BRPF1: variants seen among roughly 807,000 people sequenced by gnomAD.
BRPF1 encodes peregrin.
In BRPF1, 15 loss-of-function variants were observed where a neutral mutation model predicts 115.0. That is an observed-to-expected ratio of 0.13 (90% CI 0.09 to 0.20). BRPF1 has a LOEUF of 0.20. BRPF1 is among the 10% of genes least tolerant of loss of function. The probability of loss-of-function intolerance (pLI) is 1.00; values close to 1 mark genes in which losing one functional copy is unlikely to be tolerated. For synonymous variants in BRPF1, 647 were observed against 619.8 expected, an observed-to-expected ratio of 1.04 and a Z score of -0.65; for missense variants, 1,118 against 1,638.3, an observed-to-expected ratio of 0.68 and a Z score of 5.48.
In BRPF1 at chr3:9,745,879, T is replaced by C. The variant is rs1344352025; in HGVS notation, c.3273T>C (p.Ala1091=). The C allele has an allele frequency of 1.2e-6, 2 of 1,614,034 alleles. No homozygotes were observed. The highest frequency in any genetic ancestry group is 2.2e-5 in the East Asian group (1 of 44,900). Residue 1091 remains alanine (A), a synonymous_variant, in exon 12 of 14, where the codon GCT becomes GCC. Coordinates refer to ENST00000383829, the MANE Select transcript of BRPF1 (RefSeq NM_001003694.2). This position sits in a 1 kb window ranked among gnomAD's most constrained non-coding sequence, Gnocchi z 5.1. ...AGGATGAGGACTCCCCGCTGGATGC[T>C]CTGGACCTCGTGTGGGCCAAATGCC... The part of the protein sequence containing the change: ...LSEDEDSPLD[A]LDLVWAKCRG...
chr3:9,745,606 C>G lies in BRPF1; in HGVS notation c.3102C>G (p.Pro1034=). 6.2e-7 allele frequency: 1 copy of G among 1,614,148 alleles called. No homozygotes were observed. The highest frequency in any genetic ancestry group is 8.5e-7 in the Non-Finnish European group (1 of 1,179,972). ...CCTCAAAACAAGGCCGGGGCAAACC[C>G]TCCTTCTCTCGGGGCACTTTCCCAG... ...TTPSKQGRGK[P]SFSRGTFPED... Residue 1034 remains proline, a synonymous_variant, in exon 11 of 14, where the codon CCC becomes CCG. Coordinates refer to ENST00000383829, the MANE Select transcript of BRPF1 (RefSeq NM_001003694.2). The surrounding 1 kb of genome is among the most constrained non-coding windows in gnomAD (Gnocchi z 5.1).
Position 9,731,756 on chromosome 3 carries a change from CGCCGCT to C in BRPF1, c.-390_-385del, listed in dbSNP as rs2076853812. ...GTTTACCCTGCGCAGACGCCGTCGCCGCCGCTGCTGCCGCCGCCGCTGCCACAGCCT... is the reference window on the plus strand; with the variant it reads ...GTTTACCCTGCGCAGACGCCGTCGCCGCTGCCGCCGCCGCTGCCACAGCCT... On this transcript the variant is annotated 5_prime_UTR_variant, in exon 1 of 14. Coordinates refer to ENST00000383829, the MANE Select transcript of BRPF1 (RefSeq NM_001003694.2). 1 of 157,254 alleles carries C rather than the reference CGCCGCT, an allele frequency of 6.4e-6. No individual in the cohort carries two copies. Among genetic ancestry groups the C allele is most frequent in the African/African-American group, 2.4e-5 (1 of 41,506 alleles). 9.7% of individuals were successfully genotyped at this position (157,254 alleles called of 1,614,324 possible). A position where few individuals can be genotyped will look rare whatever the true frequency, so the allele number is the denominator to read the frequency against.
chr3:9,740,931 A>G lies in BRPF1; in HGVS notation c.1712A>G (p.Asp571Gly), dbSNP rs1441094591. ...CACCTGCAATCTCAGAGGAACTGTG[A>G]CCAAGTTGGGGTACTGTGTCCAGTT... ...QTHLQSQRNC[D>G]QVGRDSEDKN... Residue 571 changes from aspartate to glycine, a missense_variant, in exon 4 of 14, where the codon GAC becomes GGC. By Grantham distance (94) the Asp-to-Gly change is moderately conservative. Coordinates refer to ENST00000383829, the MANE Select transcript of BRPF1 (RefSeq NM_001003694.2). 1 of 1,611,938 alleles carries G rather than the reference A, an allele frequency of 6.2e-7. No individual in the cohort carries two copies. The highest frequency in any genetic ancestry group is 2.2e-5 in the East Asian group (1 of 44,890).
At chr3:9,737,520 C>G (rs964805478) in intron 2 of BRPF1, among the ~76,000 whole-genome samples, 1 of 152,218 alleles carries the variant, frequency 6.6e-6, no homozygotes, top group Non-Finnish European at 1.5e-5. Context: ...CTCTGTTAGA[C>G]AGCACCCAGG....
intron 12 of BRPF1, 72 bp from the exon 13 acceptor site, chr3:9,746,228 C>T: frequency 1.4e-6 from 2 of 1,479,628 alleles, no homozygotes; most frequent in Admixed American, 2.3e-5. Context: ...GACATACTCT[C>T]TAAGTTCTTG....
chr3:9,745,304 AATCAGTG>A lies in BRPF1; in HGVS notation c.3068+150_3068+156del. On this transcript the variant is annotated intron_variant, in intron 10 of 13. Transcript: ENST00000383829. The surrounding 1 kb of genome is among the most constrained non-coding windows in gnomAD (Gnocchi z 5.1). Reference sequence around the variant, plus strand: ...CTCAAGGTTCTCTGCTAAATAAATAAATCAGTGTTACCATTAATAGAACAGAGAGAAC... The same window carrying A: ...CTCAAGGTTCTCTGCTAAATAAATAATTACCATTAATAGAACAGAGAGAAC... 1 of 1,078,112 alleles carries A rather than the reference AATCAGTG, an allele frequency of 9.3e-7. No homozygotes were observed. The highest frequency in any genetic ancestry group is 1.3e-6 in the Non-Finnish European group (1 of 765,406). 66.8% of individuals were successfully genotyped at this position (1,078,112 alleles called of 1,614,324 possible).
In BRPF1 at chr3:9,743,687, G is replaced by C. The variant is rs751418464; in HGVS notation, c.2421G>C (p.Gln807His). 2.3e-4 allele frequency: 378 copies of C among 1,614,110 alleles called. No homozygotes were observed. Among genetic ancestry groups the C allele is most frequent in the Non-Finnish European group, 3.1e-4 (369 of 1,180,054 alleles). The change falls in exon 8 of 14, where the codon CAG (glutamine) becomes CAC (histidine). Residue 807 changes from glutamine (Q) to histidine (H), a missense_variant. By Grantham distance (24) the Gln-to-His change is conservative. Around this residue, in one of 10 missense-constraint regions of BRPF1, gnomAD observed 223 missense variants for 240.7 expected, o/e 0.93. Transcript: ENST00000383829. The surrounding 1 kb of genome is among the most constrained non-coding windows in gnomAD (Gnocchi z 6.1). ...ERLDEVNASK[Q>H]SVGRSRRAKM... is the part of the protein sequence containing the mutation. ...TGGACGAAGTGAATGCCAGCAAGCA[G>C]AGTGTGGGCCGCTCACGGCGTGCAA...
intron 2 of BRPF1, among the ~76,000 whole-genome samples, chr3:9,738,041 A>G (rs1191726025): frequency 1.3e-5 from 2 of 152,172 alleles, no homozygotes; most frequent in East Asian, 1.9e-4. Context: ...CCAAAGCCCC[A>G]TCCCTTCCTT....
chr3:9,735,320 T>C (rs112023507), intron 2 of BRPF1, among the ~76,000 whole-genome samples: 62 of 152,282 alleles, frequency 4.1e-4, no homozygotes, highest in African/African-American at 1.4e-3. Context: ...GCCAGACTTA[T>C]CTGAAATCAC....
chr3:9,734,272 C>A lies in BRPF1; in HGVS notation c.132C>A (p.His44Gln). 6.2e-7 allele frequency: 1 copy of A among 1,614,152 alleles called. No individual in the cohort carries two copies. Among genetic ancestry groups the A allele is most frequent in the Non-Finnish European group, 8.5e-7 (1 of 1,180,032 alleles). Reference sequence around the variant, plus strand: ...GTGGTATTGAGTACCACCTGTACCACTATGACCACGACAACCCACCACCCC... The same window carrying A: ...GTGGTATTGAGTACCACCTGTACCAATATGACCACGACAACCCACCACCCC... ...SYSGIEYHLY[H>Q]YDHDNPPPPQ... The change falls in exon 2 of 14, where the codon CAC becomes CAA. Residue 44 changes from histidine to glutamine, a missense_variant. His to Gln is a conservative substitution (Grantham distance 24). Around this residue, in one of 10 missense-constraint regions of BRPF1, gnomAD observed 280 missense variants for 382.8 expected, o/e 0.73. Coordinates refer to ENST00000383829, the MANE Select transcript of BRPF1 (RefSeq NM_001003694.2). The surrounding 1 kb of genome is among the most constrained non-coding windows in gnomAD (Gnocchi z 5.7).
Position 9,743,275 on chromosome 3 carries a change from C to T in BRPF1, c.2311+22C>T, listed in dbSNP as rs368835719. The T allele has an allele frequency of 6.3e-7, 1 of 1,597,712 alleles. No homozygotes were observed. Among genetic ancestry groups the T allele is most frequent in the Non-Finnish European group, 8.6e-7 (1 of 1,169,530 alleles). On this transcript the variant is annotated intron_variant, in intron 7 of 13. Coordinates refer to ENST00000383829, the MANE Select transcript of BRPF1 (RefSeq NM_001003694.2). This position sits in a 1 kb window ranked among gnomAD's most constrained non-coding sequence, Gnocchi z 6.1. ...GATGGTGGGTGATATATCACACACA[C>T]ATATAAGAGGCCAATGCCGGGGATG...
In BRPF1 at chr3:9,747,627, CAA is replaced by C. The variant is rs765886381; in HGVS notation, c.*280_*281del. The C allele has an allele frequency of 1.5e-3, 525 of 343,670 alleles. 2 individuals carry two copies. The highest frequency in any genetic ancestry group is 1.4e-3 in the Non-Finnish European group (262 of 183,188). The allele number at this position is 343,670 out of a possible 1,614,324, so 21.3% of individuals were successfully genotyped here. A position where few individuals can be genotyped will look rare whatever the true frequency, so the allele number is the denominator to read the frequency against. On this transcript the variant is annotated 3_prime_UTR_variant, in exon 14 of 14. Transcript: ENST00000383829. This position sits in a 1 kb window ranked among gnomAD's most constrained non-coding sequence, Gnocchi z 5.6. ...AGCATTGTAGGGCGGGGTGGTGGGCCAAAGTTAGGACACTGCGTAAAACAGGC... is the reference window on the plus strand; with the variant it reads ...AGCATTGTAGGGCGGGGTGGTGGGCCAGTTAGGACACTGCGTAAAACAGGC...
Position 9,745,250 on chromosome 3 carries a change from C to T in BRPF1, c.3068+95C>T, listed in dbSNP as rs1460954810. ...TCCCTGTTGGAAGTGGGGTGGCAGC[C>T]ATCTCAGTCTAGATTAAGATGGCTC... On this transcript the variant is annotated intron_variant, in intron 10 of 13. Coordinates refer to ENST00000383829, the MANE Select transcript of BRPF1 (RefSeq NM_001003694.2). The surrounding 1 kb of genome is among the most constrained non-coding windows in gnomAD (Gnocchi z 5.1). 1 of 1,435,946 alleles carries T rather than the reference C, an allele frequency of 7.0e-7. No individual in the cohort carries two copies. Among genetic ancestry groups the T allele is most frequent in the Non-Finnish European group, 9.3e-7 (1 of 1,071,476 alleles). The allele number at this position is 1,435,946 out of a possible 1,614,324, so 89.0% of individuals were successfully genotyped here.
intron 4 of BRPF1, 100 bp downstream of exon 4, chr3:9,741,041 T>C (rs1276634897): frequency 7.6e-7 from 1 of 1,313,300 alleles, no homozygotes; most frequent in East Asian, 2.5e-5. Context: ...GCTTAGACTC[T>C]TTCCTCCTTT....
chr3:9,744,330 G>A lies in BRPF1; in HGVS notation c.2742G>A (p.Pro914=), dbSNP rs372143085. Residue 914 remains proline (P), a synonymous_variant, in exon 9 of 14, where the codon CCG becomes CCA. Transcript: ENST00000383829. ...AGACAGCTGGACCGCCCAAGAGGCC[G>A]GGCCGGCCCCCCAAAAACCGGGAGA... is the stretch of plus-strand genomic sequence containing the variant. ...NPKTAGPPKR[P]GRPPKNRESQ... 7 of 1,613,224 alleles carry A rather than the reference G, an allele frequency of 4.3e-6. No homozygotes were observed. The African/African-American group carries it at 5.3e-5, about 12-fold the overall frequency.
chr3:9,736,271 G>A (rs1037759885), intron 2 of BRPF1, among the ~76,000 whole-genome samples: 2 of 152,176 alleles, frequency 1.3e-5, no homozygotes, highest in Admixed American at 6.5e-5. Flanking sequence ...CTCCCAAAGT[G>A]CTGGGATGAC....
intron 9 of BRPF1, 22 bp downstream of exon 9, chr3:9,744,530 C>A (rs745490214): frequency 6.7e-7 from 1 of 1,483,038 alleles, no homozygotes; most frequent in Non-Finnish European, 9.0e-7. Flanking sequence ...CATCACCCAG[C>A]CCCCCAAGAG....
At chr3:9,746,018 G>A (rs1464048591) in intron 12 of BRPF1, 88 bp downstream of exon 12, 2 of 1,431,238 alleles carry the variant, frequency 1.4e-6, no homozygotes, top group East Asian at 2.3e-5. Context: ...CTGCTGAGCT[G>A]TGGGGCACAG....
At chr3:9,742,297 G>A in intron 6 of BRPF1, 126 bp downstream of exon 6, 1 of 1,511,212 alleles carries the variant, frequency 6.6e-7, no homozygotes, top group African/African-American at 1.4e-5. Context: ...GGGGCAGGAT[G>A]AACTGGAGCC....
Sources: gnomAD v4.1 joint callset for allele counts (sites outside exome capture counted in the v4.1 genomes callset) on GRCh38, gnomAD v4.1.1 for gene constraint, gnomAD v4.1.1 regional missense constraint, Gnocchi (gnomAD v3.1) non-coding constraint, MANE v1.5 for transcripts, NCBI Gene and HGNC (gene_info 2026-07-23, HGNC 2026-07-21) for gene names.